Variants in KCNU1 observed in about 807,000 individuals in gnomAD.
KCNU1 encodes potassium calcium-activated channel subfamily U member 1, also known as potassium channel subfamily U member 1.
In KCNU1, 93 loss-of-function variants were observed where a neutral mutation model predicts 126.8. That is an observed-to-expected ratio of 0.73 (90% CI 0.62 to 0.87). The LOEUF is 0.87. Among genes scored for constraint, KCNU1 ranks in the 40% least tolerant of loss-of-function variants. The pLI is 0.00. For missense variants in KCNU1, 1,330 were observed against 1,367.1 expected (o/e 0.97, Z 0.43); for synonymous variants, 523 against 494.2 (o/e 1.06, Z -0.77).
chr8:36,796,412 T>C (rs767291851), intron 2 of KCNU1, among the ~76,000 whole-genome samples: 8 of 152,232 alleles, frequency 5.3e-5, no homozygotes, highest in Non-Finnish European at 1.0e-4. Context: ...GTTTTCCATA[T>C]CCTTAATTAT....
chr8:36,918,225 A>C (rs1808194744), intron 22 of KCNU1, among the ~76,000 whole-genome samples: 1 of 152,016 alleles, frequency 6.6e-6, no homozygotes, highest in Non-Finnish European at 1.5e-5. Context: ...CTTTTTTGTA[A>C]GTCATTTGAA....
intron 16 of KCNU1, among the ~76,000 whole-genome samples, chr8:36,842,916 G>A (rs752386043): frequency 8.9e-4 from 135 of 152,142 alleles, no homozygotes; most frequent in Non-Finnish European, 1.3e-3. Context: ...CACCCACCTC[G>A]GCTTCCCAAA....
At chr8:36,817,243 T>C (rs1239528210) in intron 9 of KCNU1, among the ~76,000 whole-genome samples, 2 of 151,964 alleles carry the variant, frequency 1.3e-5, no homozygotes, top group East Asian at 1.9e-4. Flanking sequence ...CTCGTGCCTG[T>C]AATCCCAGCA....
intron 19 of KCNU1, among the ~76,000 whole-genome samples, chr8:36,886,252 G>C (rs191168470): frequency 2.5e-4 from 38 of 152,258 alleles, no homozygotes; most frequent in Admixed American, 2.3e-3. Flanking sequence ...TTCCTAGCTA[G>C]ATTAACATAA....
intron 24 of KCNU1, chr8:36,929,099 C>A: frequency 1.5e-6 from 1 of 666,242 alleles, no homozygotes; most frequent in South Asian, 1.6e-5. Flanking sequence ...AAAAAACAAT[C>A]AGCCAGACAC....
intron 7 of KCNU1, among the ~76,000 whole-genome samples, chr8:36,810,847 A>G (rs1025854015): frequency 6.6e-6 from 1 of 152,210 alleles, no homozygotes; most frequent in South Asian, 2.1e-4. Flanking sequence ...ACAAAGGAAA[A>G]GTTAAGAAAA....
chr8:36,891,957 T>C (rs2117448351), intron 19 of KCNU1, among the ~76,000 whole-genome samples: 1 of 152,256 alleles, frequency 6.6e-6, no homozygotes, highest in African/African-American at 2.4e-5. Context: ...GAGATTACTC[T>C]ACTTTAAACT....
At chr8:36,896,474 G>T (rs970787390) in intron 19 of KCNU1, among the ~76,000 whole-genome samples, 25 of 151,952 alleles carry the variant, frequency 1.6e-4, no homozygotes, top group African/African-American at 5.8e-4. Context: ...AAAAGTAGGG[G>T]TAAATAATAC....
chr8:36,907,417 A>G (rs7013181), intron 20 of KCNU1, among the ~76,000 whole-genome samples: 9,446 of 152,178 alleles, frequency 0.062, 804 homozygotes, highest in East Asian at 0.22. Context: ...CTACTCAGAA[A>G]AGCAATTGTT....
chr8:36,859,638 C>T lies in KCNU1; in HGVS notation c.1892-4766C>T, dbSNP rs1805656795. 2.0e-5 allele frequency among the ~76,000 whole-genome samples: 3 copies of T among 152,008 alleles called. No individual in the cohort carries two copies. The South Asian group carries it at 6.2e-4, about 31-fold the overall frequency. ...TGAATCCCTCTTTTTTTGATTACTT[C>T]CATTTTTCCAAACTAGAACCACACT... is the stretch of plus-strand genomic sequence containing the variant. On this transcript the variant is annotated intron_variant, in intron 18 of 26. Transcript: ENST00000399881.
At chr8:36,916,602 G>A (rs1808122424) in intron 22 of KCNU1, among the ~76,000 whole-genome samples, 1 of 152,030 alleles carries the variant, frequency 6.6e-6, no homozygotes, top group Admixed American at 6.6e-5. Flanking sequence ...TATTTTTAAG[G>A]AAAAACAATT....
chr8:36,837,739 A>T (rs1470275473), intron 14 of KCNU1, among the ~76,000 whole-genome samples: 2 of 152,212 alleles, frequency 1.3e-5, no homozygotes, highest in Non-Finnish European at 2.9e-5. Context: ...TCTTCCAAAT[A>T]TCATTTCCAT....
intron 14 of KCNU1, among the ~76,000 whole-genome samples, chr8:36,839,004 C>T (rs1177865198): frequency 6.6e-6 from 1 of 152,064 alleles, no homozygotes; most frequent in Non-Finnish European, 1.5e-5. Context: ...CAGAGTAGGC[C>T]CTTACTTTCC....
chr8:36,827,052 G>A (rs1804351926), intron 10 of KCNU1, among the ~76,000 whole-genome samples: 1 of 152,102 alleles, frequency 6.6e-6, no homozygotes, highest in Non-Finnish European at 1.5e-5. Flanking sequence ...TCTTGTGTGT[G>A]TGCCTATTGT....
At chr8:36,811,566 C>T (rs1275878226) in intron 7 of KCNU1, among the ~76,000 whole-genome samples, 3 of 152,142 alleles carry the variant, frequency 2.0e-5, no homozygotes, top group Non-Finnish European at 4.4e-5. Context: ...GTATTAATAG[C>T]TTAATGATAA....
chr8:36,864,176 A>C (rs1320845210), intron 18 of KCNU1, among the ~76,000 whole-genome samples: 5 of 152,130 alleles, frequency 3.3e-5, no homozygotes. Context: ...TTGAGTAGGT[A>C]CTTATTTTAA....
intron 16 of KCNU1, among the ~76,000 whole-genome samples, chr8:36,844,818 A>G (rs1343874140): frequency 6.6e-6 from 1 of 152,222 alleles, no homozygotes; most frequent in Non-Finnish European, 1.5e-5. Context: ...GGGGAATTAT[A>G]GGGTTTTGAG....
chr8:36,844,195 A>G (rs567106718), intron 16 of KCNU1, among the ~76,000 whole-genome samples: 3 of 152,242 alleles, frequency 2.0e-5, no homozygotes, highest in African/African-American at 7.2e-5. Context: ...CCTGTCCAAC[A>G]TGGTGAAACT....
At chr8:36,918,402 T>A (rs897599797) in intron 22 of KCNU1, among the ~76,000 whole-genome samples, 19 of 150,088 alleles carry the variant, frequency 1.3e-4, no homozygotes, top group Non-Finnish European at 1.0e-4. Context: ...AAAAAAAAAA[T>A]AAATTAGCTG....
Sources: allele counts gnomAD v4.1 joint callset (sites outside exome capture counted in the v4.1 genomes callset), GRCh38; gene constraint gnomAD v4.1.1; transcripts MANE v1.5; gene names NCBI Gene and HGNC (gene_info 2026-07-23, HGNC 2026-07-21).